Variants in IGFBP7 observed in about 807,000 individuals in gnomAD.
IGFBP7 encodes the protein insulin like growth factor binding protein 7, also known as insulin-like growth factor-binding protein 7.
A neutral mutation model predicts 29.4 loss-of-function variants in IGFBP7; 31 were observed. The ratio of observed to expected loss-of-function variants is 1.05; its 90% CI spans 0.79 to 1.42. IGFBP7 has a LOEUF of 1.42. Among genes scored for constraint, IGFBP7 ranks in the 40% most tolerant of loss-of-function variants. IGFBP7 has a pLI of 0.00. For missense variants in IGFBP7, 393 were observed against 395.5 expected, an observed-to-expected ratio of 0.99 and a Z score of 0.05; for synonymous variants, 172 against 174.9, an observed-to-expected ratio of 0.98 and a Z score of 0.13.
chr4:57,050,988 C>T (rs1011761592), intron 1 of IGFBP7, among the ~76,000 whole-genome samples: 5 of 152,046 alleles, frequency 3.3e-5, no homozygotes, highest in Admixed American at 1.3e-4. Flanking sequence ...TGCATTAATA[C>T]CAAATAAGGG....
At position 57,033,664 on chromosome 4, in the gene IGFBP7, A is replaced by G. The variant is rs151235863; in HGVS notation, c.586-353T>C. 5.7e-4 allele frequency among the ~76,000 whole-genome samples: 87 copies of G among 152,230 alleles called. 1 individual carries two copies. Among genetic ancestry groups the G allele is most frequent in the African/African-American group, 1.9e-3 (79 of 41,522 alleles). On this transcript the variant is annotated intron_variant, in intron 2 of 4. Transcript: ENST00000295666. ...GCCTTTTGCCTGTCATGCCATGTTC[A>G]ACTGATGAACTGTCACCCAGCACTA... is the stretch of plus-strand genomic sequence containing the variant.
intron 1 of IGFBP7, among the ~76,000 whole-genome samples, chr4:57,075,247 C>T (rs1423551195): frequency 6.6e-6 from 1 of 152,132 alleles, no homozygotes; most frequent in Non-Finnish European, 1.5e-5. Flanking sequence ...CTTAACTAAC[C>T]TCCTGCCCAC....
At chr4:57,069,093 C>A (rs1724993551) in intron 1 of IGFBP7, among the ~76,000 whole-genome samples, 2 of 152,192 alleles carry the variant, frequency 1.3e-5, no homozygotes, top group African/African-American at 4.8e-5. Context: ...AACCGCCAGG[C>A]TTGCCCCTCC....
chr4:57,046,000 A>G (rs988721864), intron 1 of IGFBP7, among the ~76,000 whole-genome samples: 26 of 152,200 alleles, frequency 1.7e-4, no homozygotes, highest in African/African-American at 6.3e-4. Context: ...TGCTGGGATT[A>G]CAGGTGTGAG....
intron 1 of IGFBP7, among the ~76,000 whole-genome samples, chr4:57,088,242 T>G (rs1413475925): frequency 5.3e-5 from 8 of 152,072 alleles, no homozygotes; most frequent in Admixed American, 5.2e-4. Flanking sequence ...TCCCAAAGTA[T>G]CGGGATTAGA....
intron 1 of IGFBP7, among the ~76,000 whole-genome samples, chr4:57,070,706 G>T (rs1444659344): frequency 2.0e-5 from 3 of 152,118 alleles, no homozygotes; most frequent in Admixed American, 2.0e-4. Flanking sequence ...CAACCAAAAG[G>T]TTCAATAAGA....
Position 57,036,872 on chromosome 4 carries a change from C to T in IGFBP7, c.586-3561G>A, listed in dbSNP as rs1366203974. On this transcript the variant is annotated intron_variant, in intron 2 of 4. Transcript: ENST00000295666. ...CTAATAATCTATCCAAAAAGGTGTT[C>T]TACTCTTAAATTGGATTTGAAACAC... 2.6e-5 allele frequency among the ~76,000 whole-genome samples: 4 copies of T among 152,272 alleles called. No individual in the cohort carries two copies. The South Asian group carries it at 8.3e-4, about 32-fold the overall frequency.
At chr4:57,082,750 T>C (rs1447732171) in intron 1 of IGFBP7, among the ~76,000 whole-genome samples, 1 of 152,184 alleles carries the variant, frequency 6.6e-6, no homozygotes, top group East Asian at 1.9e-4. Flanking sequence ...TTTATACATA[T>C]AGTTTTTATT....
At position 57,110,042 on chromosome 4, in the gene IGFBP7, CG is replaced by C; in HGVS notation, c.309del (p.Gly104ValfsTer4). On this transcript the variant is annotated frameshift_variant, in exon 1 of 5. Coordinates refer to ENST00000295666, the MANE Select transcript of IGFBP7 (RefSeq NM_001553.3). LOFTEE classifies it high-confidence loss of function. ...RRKGKAGAAA[G>X]GPGVSGVCVC... Reference sequence around the variant, plus strand: ...ACGCACACGCCGCTTACACCCGGACCGCCGGCTGCTGCCCCGGCTTTACCCT... The same window carrying C: ...ACGCACACGCCGCTTACACCCGGACCCCGGCTGCTGCCCCGGCTTTACCCT... 6.4e-7 allele frequency: 1 copy of C among 1,559,494 alleles called. No homozygotes were observed. Among genetic ancestry groups the C allele is most frequent in the Non-Finnish European group, 8.6e-7 (1 of 1,158,694 alleles).
chr4:57,045,310 C>T (rs1159862847), intron 1 of IGFBP7, among the ~76,000 whole-genome samples: 1 of 152,186 alleles, frequency 6.6e-6, no homozygotes, highest in Non-Finnish European at 1.5e-5. Flanking sequence ...GCTGTTAGGA[C>T]CAGTTTGCTG....
intron 1 of IGFBP7, among the ~76,000 whole-genome samples, chr4:57,046,332 TTC>T (rs60234137): frequency 0.25 from 38,226 of 151,826 alleles, 5,017 homozygotes; most frequent in East Asian, 0.46. Flanking sequence ...GACAGTTCTG[TTC>T]TACCTCAGGA....
At chr4:57,083,263 T>C (rs1725415907) in intron 1 of IGFBP7, among the ~76,000 whole-genome samples, 1 of 152,214 alleles carries the variant, frequency 6.6e-6, no homozygotes, top group Non-Finnish European at 1.5e-5. Flanking sequence ...ATTCTGGTCT[T>C]GGCAATAGTG....
chr4:57,092,392 T>C (rs956392191), intron 1 of IGFBP7, among the ~76,000 whole-genome samples: 5 of 152,170 alleles, frequency 3.3e-5, no homozygotes, highest in African/African-American at 1.2e-4. Context: ...CCTGGTAATA[T>C]TAGATGCAAA....
At chr4:57,090,176 T>C (rs1281541169) in intron 1 of IGFBP7, among the ~76,000 whole-genome samples, 1 of 152,208 alleles carries the variant, frequency 6.6e-6, no homozygotes, top group Admixed American at 6.5e-5. Flanking sequence ...CATTCTTCTC[T>C]TCCTCTTCCC....
intron 1 of IGFBP7, among the ~76,000 whole-genome samples, chr4:57,098,702 G>A (rs1351925156): frequency 6.6e-6 from 1 of 152,202 alleles, no homozygotes; most frequent in African/African-American, 2.4e-5. Context: ...CACACTGCAT[G>A]GGACTCTCAT....
intron 1 of IGFBP7, among the ~76,000 whole-genome samples, chr4:57,097,260 T>C (rs1725783586): frequency 6.6e-6 from 1 of 152,236 alleles, no homozygotes; most frequent in Admixed American, 6.5e-5. Context: ...GGAAATATTT[T>C]ATGCTGCAAA....
At chr4:57,089,214 ATGAAT>A (rs1725577296) in intron 1 of IGFBP7, among the ~76,000 whole-genome samples, 1 of 152,202 alleles carries the variant, frequency 6.6e-6, no homozygotes. Context: ...AGATCTGAGG[ATGAAT>A]TGAAGTTTAT....
intron 1 of IGFBP7, among the ~76,000 whole-genome samples, chr4:57,089,842 G>A (rs1053586267): frequency 2.6e-5 from 4 of 152,186 alleles, no homozygotes; most frequent in Non-Finnish European, 4.4e-5. Flanking sequence ...TGGGACATGT[G>A]GCTGGCATTG....
chr4:57,059,424 A>T (rs1400388244), intron 1 of IGFBP7, among the ~76,000 whole-genome samples: 1 of 152,198 alleles, frequency 6.6e-6, no homozygotes, highest in Non-Finnish European at 1.5e-5. Flanking sequence ...CATAAAAAAG[A>T]ATGAGATCAT....
Sources: allele counts gnomAD v4.1 joint callset (sites outside exome capture counted in the v4.1 genomes callset), GRCh38; gene constraint gnomAD v4.1.1; transcripts MANE v1.5; gene names NCBI Gene and HGNC (gene_info 2026-07-23, HGNC 2026-07-21).